Variants in NBEA observed in about 807,000 individuals in gnomAD.
The protein encoded by NBEA is neurobeachin.
A neutral mutation model predicts 343.4 loss-of-function variants in NBEA; 44 were observed. That is an observed-to-expected ratio of 0.13 (90% CI 0.10 to 0.16). NBEA has a LOEUF of 0.16. Among genes scored for constraint, NBEA ranks in the 10% least tolerant of loss-of-function variants. NBEA has a pLI of 1.00. For synonymous variants in NBEA, 1,175 were observed against 1,238.7 expected, an observed-to-expected ratio of 0.95 and a Z score of 1.08; for missense variants, 2,555 against 3,631.3, an observed-to-expected ratio of 0.70 and a Z score of 7.62.
intron 33 of NBEA, among the ~76,000 whole-genome samples, chr13:35,224,193 AC>A (rs1340175484): frequency 6.6e-6 from 1 of 152,082 alleles, no homozygotes; most frequent in African/African-American, 2.4e-5. Flanking sequence ...TGTAGACTGA[AC>A]CTACCTACGT....
chr13:35,457,620 G>A (rs1026114958), intron 40 of NBEA, among the ~76,000 whole-genome samples: 7 of 151,416 alleles, frequency 4.6e-5, no homozygotes, highest in African/African-American at 1.7e-4. Flanking sequence ...CCCTTTTTTT[G>A]TTTTTTGAGA....
At chr13:35,398,104 A>G (rs1485144065) in intron 38 of NBEA, among the ~76,000 whole-genome samples, 2 of 152,156 alleles carry the variant, frequency 1.3e-5, no homozygotes, top group Non-Finnish European at 2.9e-5. Flanking sequence ...TGTCATTTCA[A>G]TAATGTTCAC....
intron 49 of NBEA, among the ~76,000 whole-genome samples, chr13:35,642,767 C>G (rs1236238838): frequency 6.6e-6 from 1 of 152,016 alleles, no homozygotes; most frequent in African/African-American, 2.4e-5. Flanking sequence ...ATTTACTGAC[C>G]TGTAAATTTT....
chr13:35,530,401 G>C (rs2078202729), intron 41 of NBEA, among the ~76,000 whole-genome samples: 1 of 152,104 alleles, frequency 6.6e-6, no homozygotes, highest in Non-Finnish European at 1.5e-5. Flanking sequence ...AGCCGCCCCA[G>C]ACAGGTTCAT....
chr13:35,589,645 A>G (rs2081438136), intron 46 of NBEA, among the ~76,000 whole-genome samples: 1 of 152,136 alleles, frequency 6.6e-6, no homozygotes, highest in South Asian at 2.1e-4. Flanking sequence ...AGACAGAAGA[A>G]TGAAGAAGTT....
At chr13:35,301,066 T>A (rs2036508284) in intron 35 of NBEA, among the ~76,000 whole-genome samples, 3 of 152,198 alleles carry the variant, frequency 2.0e-5, no homozygotes, top group Admixed American at 2.0e-4. Flanking sequence ...ATACTTTATC[T>A]TGTGAAGAAT....
At position 35,298,254 on chromosome 13, in the gene NBEA, T is replaced by C. The variant is rs1016244782; in HGVS notation, c.5838+7804T>C. On this transcript the variant is annotated intron_variant, in intron 35 of 58. Transcript: ENST00000379939. The stretch of plus-strand genomic sequence containing the variant: ...ATATATATATATATATATATGTATA[T>C]GCTTCTTTTTTTAATTTTAATGTAG... Among the ~76,000 whole-genome samples, 160 of 145,006 alleles carry C rather than the reference T, an allele frequency of 1.1e-3. 5 individuals are homozygous for C. The highest frequency in any genetic ancestry group is 2.7e-4 in the Non-Finnish European group (18 of 66,146).
At chr13:35,391,073 A>G (rs9315342) in intron 38 of NBEA, among the ~76,000 whole-genome samples, 148,298 of 152,146 alleles carry the variant, frequency 0.97, 72,396 homozygotes, top group East Asian at 1. Flanking sequence ...TCAAAAGTTC[A>G]AGACCAGCCT....
intron 18 of NBEA, among the ~76,000 whole-genome samples, chr13:35,151,876 G>A (rs1300888291): frequency 6.6e-6 from 1 of 151,942 alleles, no homozygotes; most frequent in Non-Finnish European, 1.5e-5. Context: ...TCTAAATTAT[G>A]AGTAATTATG....
chr13:35,199,664 A>T (rs1420807910), intron 31 of NBEA, among the ~76,000 whole-genome samples: 1 of 152,152 alleles, frequency 6.6e-6, no homozygotes, highest in African/African-American at 2.4e-5. Context: ...AATTTGAGTT[A>T]TGTTAACTTG....
At chr13:35,121,028 C>A (rs917762008) in intron 16 of NBEA, among the ~76,000 whole-genome samples, 3 of 152,106 alleles carry the variant, frequency 2.0e-5, no homozygotes, top group African/African-American at 7.2e-5. Context: ...CGAAGTTATT[C>A]CTAGACAATA....
chr13:34,983,337 T>G (rs1004405304), intron 1 of NBEA, among the ~76,000 whole-genome samples: 1 of 152,200 alleles, frequency 6.6e-6, no homozygotes, highest in Non-Finnish European at 1.5e-5. Flanking sequence ...TCCATGTCCC[T>G]GCAAAGGACA....
chr13:35,582,238 A>C (rs2081087731), intron 45 of NBEA, among the ~76,000 whole-genome samples: 1 of 152,200 alleles, frequency 6.6e-6, no homozygotes, highest in Non-Finnish European at 1.5e-5. Flanking sequence ...GCGAGCCCAG[A>C]TCGCGCCACT....
intron 17 of NBEA, among the ~76,000 whole-genome samples, chr13:35,139,057 C>CTTT (rs36053692): frequency 0.076 from 7,476 of 97,742 alleles, 1,128 homozygotes; most frequent in African/African-American, 0.2. Context: ...CAAGAAATAT[C>CTTT]TTTTTTTTTT....
chr13:35,189,786 TAAG>T (rs1435224427), intron 30 of NBEA, among the ~76,000 whole-genome samples: 4 of 152,020 alleles, frequency 2.6e-5, no homozygotes, highest in Non-Finnish European at 5.9e-5. Context: ...TTATTTAAAA[TAAG>T]AACACTGGCA....
chr13:35,273,531 T>C lies in NBEA; in HGVS notation c.5777-16858T>C, dbSNP rs113726931. Among the ~76,000 whole-genome samples the C allele has an allele frequency of 6.7e-3, 1,019 of 151,772 alleles. 9 individuals are homozygous for C. The highest frequency in any genetic ancestry group is 0.024 in the African/African-American group (978 of 41,388). On this transcript the variant is annotated intron_variant, in intron 34 of 58. Transcript: ENST00000379939. ...AGATAAAGAGCAGAACTGAAGGAGATAGAGACACAAAAAACCCTTCAAAAA... is the reference window on the plus strand; with the variant it reads ...AGATAAAGAGCAGAACTGAAGGAGACAGAGACACAAAAAACCCTTCAAAAA...
At chr13:35,135,642 A>G (rs2067677510) in intron 17 of NBEA, among the ~76,000 whole-genome samples, 1 of 152,072 alleles carries the variant, frequency 6.6e-6, no homozygotes, top group Admixed American at 6.6e-5. Flanking sequence ...AAAAATGTCA[A>G]TAGAAGTTTG....
At position 35,159,003 on chromosome 13, in the gene NBEA, A is replaced by T. The variant is rs1248067160; in HGVS notation, c.2845-13A>T. The T allele has an allele frequency of 6.5e-7, 1 of 1,547,304 alleles. No homozygotes were observed. The highest frequency in any genetic ancestry group is 2.3e-5 in the East Asian group (1 of 44,426). On this transcript the variant is annotated splice_polypyrimidine_tract_variant and intron_variant, in intron 21 of 58. Transcript: ENST00000379939. ...TACAAAATGCCTTAATGTTTTCTTT[A>T]CTTATTCCTAAGGTCACTTATGAAG...
chr13:35,295,053 TAA>T (rs550152360), intron 35 of NBEA, among the ~76,000 whole-genome samples: 1 of 138,172 alleles, frequency 7.2e-6, no homozygotes, highest in Non-Finnish European at 1.6e-5. Flanking sequence ...GCTGATGAAC[TAA>T]AAAAAAAAAA....
Sources: gnomAD v4.1 joint callset for allele counts (sites outside exome capture counted in the v4.1 genomes callset) on GRCh38, gnomAD v4.1.1 for gene constraint, MANE v1.5 for transcripts, NCBI Gene and HGNC (gene_info 2026-07-23, HGNC 2026-07-21) for gene names.